RNF213: variants seen among roughly 807,000 people sequenced by gnomAD.
The protein encoded by RNF213 is E3 ubiquitin-protein ligase RNF213.
Under a neutral mutation model 514.4 loss-of-function variants are expected in RNF213, and 341 were observed. The observed-to-expected ratio is 0.66, with a 90% CI of 0.61 to 0.73. The LOEUF is 0.73. Ranked by LOEUF, RNF213 falls within the 30% of genes least tolerant of loss-of-function variation. The pLI is 0.00. For missense variants in RNF213, 5,767 were observed against 6,615.6 expected (o/e 0.87, Z 4.45); for synonymous variants, 2,655 against 2,658.2 (o/e 1.00, Z 0.04).
intron 22 of RNF213, 69 bp from the exon 23 acceptor site, chr17:80,336,092 C>T: frequency 7.7e-7 from 1 of 1,294,654 alleles, no homozygotes; most frequent in Non-Finnish European, 1.1e-6. Context: ...GTAAGGATTA[C>T]TGCCCAAGAC....
chr17:80,335,110 A>G (rs1042730700), intron 22 of RNF213, among the ~76,000 whole-genome samples: 18 of 151,858 alleles, frequency 1.2e-4, no homozygotes, highest in African/African-American at 4.1e-4. Flanking sequence ...TTTAGTAGAG[A>G]TGGGGTTTCA....
At chr17:80,305,116 C>T (rs1283875410) in intron 11 of RNF213, among the ~76,000 whole-genome samples, 2 of 151,662 alleles carry the variant, frequency 1.3e-5, no homozygotes, top group African/African-American at 4.9e-5. Flanking sequence ...CTCAAGCTAT[C>T]CATCCTCCTG....
chr17:80,280,588 G>A (rs1246126984), intron 3 of RNF213, among the ~76,000 whole-genome samples: 1 of 152,032 alleles, frequency 6.6e-6, no homozygotes, highest in Non-Finnish European at 1.5e-5. Context: ...CGAGTAGCTG[G>A]GACTACAGGC....
chr17:80,369,699 G>GC (rs1176311754), intron 45 of RNF213, 28 bp downstream of exon 45: 2 of 1,613,926 alleles, frequency 1.2e-6, no homozygotes, highest in African/African-American at 2.7e-5. Context: ...TGTAAACCTA[G>GC]CCCCTCATTT....
Position 80,343,144 on chromosome 17 carries a change from A to G in RNF213, c.6002A>G (p.Tyr2001Cys). 6.2e-7 allele frequency: 1 copy of G among 1,613,596 alleles called. No individual in the cohort carries two copies. The highest frequency in any genetic ancestry group is 1.6e-4 in the Middle Eastern group (1 of 6,062). The stretch of plus-strand genomic sequence containing the variant: ...ATTAATGTTATAGGAAAGTCTCTGT[A>G]CGTGAAGAGGTTGCACGACAAAATG... ...SERAGVGKSLYVKRLHDKMKM... is the reference protein window; with the variant it reads ...SERAGVGKSLCVKRLHDKMKM... The change falls in exon 27 of 68, where the codon TAC (tyrosine) becomes TGC (cysteine). Residue 2001 changes from tyrosine (Y) to cysteine (C), a missense_variant. This residue lies in a region of RNF213 where 1,377 missense variants were observed against 1,635.2 expected (regional missense o/e 0.84). Transcript: ENST00000582970. This position sits in a 1 kb window ranked among gnomAD's most constrained non-coding sequence, Gnocchi z 4.3.
In RNF213 at chr17:80,348,008, G is replaced by A. The variant is rs746515955; in HGVS notation, c.9673G>A (p.Ala3225Thr). The A allele has an allele frequency of 5.0e-6, 8 of 1,614,106 alleles. No individual in the cohort carries two copies. The highest frequency in any genetic ancestry group is 1.3e-5 in the African/African-American group (1 of 74,946). ...CGTCTTCATCGGCTACCACTCGGACGCCTGCGCGTCTGTGGTGCTGCAGGT... is the reference window on the plus strand; with the variant it reads ...CGTCTTCATCGGCTACCACTCGGACACCTGCGCGTCTGTGGTGCTGCAGGT... ...SDVFIGYHSD[A>T]CASVVLQVIE... Residue 3225 changes from alanine to threonine, a missense_variant, in exon 29 of 68, where the codon GCC (alanine) becomes ACC (threonine). Around this residue, in one of 13 missense-constraint regions of RNF213, gnomAD observed 919 missense variants for 1,121.0 expected, o/e 0.82. Coordinates refer to ENST00000582970, the MANE Select transcript of RNF213 (RefSeq NM_001256071.3).
intron 59 of RNF213, among the ~76,000 whole-genome samples, chr17:80,384,672 A>AT (rs2080162438): frequency 1.3e-5 from 2 of 152,134 alleles, no homozygotes; most frequent in African/African-American, 4.8e-5. Context: ...GACACCCAGG[A>AT]ATAAGGCCAG....
intron 22 of RNF213, among the ~76,000 whole-genome samples, chr17:80,335,583 G>A (rs886463159): frequency 6.6e-6 from 1 of 152,218 alleles, no homozygotes. Context: ...AAATGGTAAT[G>A]TTGTGTGGAT....
intron 57 of RNF213, 65 bp downstream of exon 57, chr17:80,381,792 T>C: frequency 2.0e-6 from 3 of 1,473,750 alleles, no homozygotes; most frequent in Non-Finnish European, 1.9e-6. Flanking sequence ...GCAGGCTCGC[T>C]GTCTTGTGGG....
Position 80,374,454 on chromosome 17 carries a change from C to T in RNF213, c.12943-4C>T. On this transcript the variant is annotated splice_polypyrimidine_tract_variant and splice_region_variant and intron_variant, in intron 49 of 67. Coordinates refer to ENST00000582970, the MANE Select transcript of RNF213 (RefSeq NM_001256071.3). ...TTCACCCCCAACTAACCTCTGTATTCCAGGGGCTGCGGCAGGACCACCCAG... is the reference window on the plus strand; with the variant it reads ...TTCACCCCCAACTAACCTCTGTATTTCAGGGGCTGCGGCAGGACCACCCAG... The T allele has an allele frequency of 6.2e-7, 1 of 1,614,126 alleles. No individual in the cohort carries two copies. The highest frequency in any genetic ancestry group is 1.6e-4 in the Middle Eastern group (1 of 6,062).
chr17:80,337,400 G>C (rs2078017910), intron 23 of RNF213, 186 bp from the exon 24 acceptor site: 3 of 675,346 alleles, frequency 4.4e-6, no homozygotes, highest in Non-Finnish European at 7.4e-6. Flanking sequence ...CTGAGTGACA[G>C]ATCATGTTGT....
In RNF213 at chr17:80,346,466, T is replaced by C; in HGVS notation, c.8131T>C (p.Phe2711Leu). ...ATATCGGAAAGCCATCGCCAGGTTC[T>C]TTCCGAAACCGTATGACGACAGCAG... ...DSYRKAIARFFPKPYDDSRLL... is the reference protein window; with the variant it reads ...DSYRKAIARFLPKPYDDSRLL... The change falls in exon 29 of 68, where the codon TTT becomes CTT. Residue 2711 changes from phenylalanine to leucine, a missense_variant. Coordinates refer to ENST00000582970, the MANE Select transcript of RNF213 (RefSeq NM_001256071.3). The surrounding 1 kb of genome is among the most constrained non-coding windows in gnomAD (Gnocchi z 8.1). 6.2e-7 allele frequency: 1 copy of C among 1,613,944 alleles called. No homozygotes were observed. The highest frequency in any genetic ancestry group is 8.5e-7 in the Non-Finnish European group (1 of 1,180,028).
intron 1 of RNF213, among the ~76,000 whole-genome samples, chr17:80,261,212 C>T (rs893501076): frequency 3.3e-5 from 5 of 152,112 alleles, no homozygotes; most frequent in Non-Finnish European, 4.4e-5. Context: ...GGCAGTGCTG[C>T]CCCCGGGAAG....
Position 80,385,551 on chromosome 17 carries a change from G to C in RNF213, c.14469G>C (p.Gln4823His). The C allele has an allele frequency of 6.2e-7, 1 of 1,614,124 alleles. No homozygotes were observed. The highest frequency in any genetic ancestry group is 1.1e-5 in the South Asian group (1 of 91,082). ...TCTGTTCAACAGATGGGTTGAGGCA[G>C]CTGCTTCACAACAGGATCACAGTCT... is the stretch of plus-strand genomic sequence containing the variant. Reference protein sequence around the residue: ...LSKHSSDGLRQLLHNRITVFL... With the variant: ...LSKHSSDGLRHLLHNRITVFL... Residue 4823 changes from glutamine to histidine, a missense_variant, in exon 61 of 68, where the codon CAG becomes CAC. Gln to His is a conservative substitution (Grantham distance 24, BLOSUM62 0). Around this residue, in one of 13 missense-constraint regions of RNF213, gnomAD observed 1,245 missense variants for 1,339.0 expected, o/e 0.93. Coordinates refer to ENST00000582970, the MANE Select transcript of RNF213 (RefSeq NM_001256071.3).
chr17:80,338,947 CAAAAAAAAATTAAAAAA>C (rs960628435), intron 25 of RNF213, among the ~76,000 whole-genome samples: 54 of 128,038 alleles, frequency 4.2e-4, no homozygotes, highest in South Asian at 3.0e-3. Flanking sequence ...GACTCCATCT[CAAAAAAAAATTAAAAAA>C]AAAAAAAAAT....
chr17:80,288,935 C>T lies in RNF213; in HGVS notation c.933+180C>T, dbSNP rs921577691. Reference sequence around the variant, plus strand: ...GAGAGAGTCAGGAAACCGACTTCAGCGGTGAGAAGAGCGTGGAGGGAGGGA... The same window carrying T: ...GAGAGAGTCAGGAAACCGACTTCAGTGGTGAGAAGAGCGTGGAGGGAGGGA... On this transcript the variant is annotated intron_variant, in intron 5 of 67. Transcript: ENST00000582970. The surrounding 1 kb of genome is among the most constrained non-coding windows in gnomAD (Gnocchi z 4.9). Among the ~76,000 whole-genome samples the T allele has an allele frequency of 8.5e-5, 13 of 152,314 alleles. No individual in the cohort carries two copies. The highest frequency in any genetic ancestry group is 3.1e-4 in the African/African-American group (13 of 41,562).
chr17:80,335,093 T>C lies in RNF213; in HGVS notation c.4309+823T>C, dbSNP rs947075770. ...CCCGCCACCACACCCAGCTACTTTTTTGTATTTTTAGTAGAGATGGGGTTT... is the reference window on the plus strand; with the variant it reads ...CCCGCCACCACACCCAGCTACTTTTCTGTATTTTTAGTAGAGATGGGGTTT... On this transcript the variant is annotated intron_variant, in intron 22 of 67. Transcript: ENST00000582970. Among the ~76,000 whole-genome samples, 41 of 152,222 alleles carry C rather than the reference T, an allele frequency of 2.7e-4. 1 individual carries two copies. The highest frequency in any genetic ancestry group is 3.4e-3 in the Middle Eastern group (1 of 294).
chr17:80,368,195 T>G, intron 44 of RNF213, 52 bp downstream of exon 44: 1 of 1,580,580 alleles, frequency 6.3e-7, no homozygotes, highest in South Asian at 1.1e-5. Flanking sequence ...TTTCCTTTTT[T>G]GGCAAACACA....
At chr17:80,368,680 G>A (rs1338402892) in intron 44 of RNF213, among the ~76,000 whole-genome samples, 4 of 152,106 alleles carry the variant, frequency 2.6e-5, no homozygotes, top group African/African-American at 9.7e-5. Context: ...TGATCCACCC[G>A]CCTTGGCCTC....
Sources: gnomAD v4.1 joint callset for allele counts (sites outside exome capture counted in the v4.1 genomes callset) on GRCh38, gnomAD v4.1.1 for gene constraint, gnomAD v4.1.1 regional missense constraint, Gnocchi (gnomAD v3.1) non-coding constraint, MANE v1.5 for transcripts, NCBI Gene and HGNC (gene_info 2026-07-23, HGNC 2026-07-21) for gene names.